AGMO: variants seen among roughly 807,000 people sequenced by gnomAD.
AGMO encodes the protein glyceryl-ether monooxygenase.
A neutral mutation model predicts 60.2 loss-of-function variants in AGMO; 75 were observed. The observed-to-expected ratio is 1.25, with a 90% CI of 1.03 to 1.51. AGMO has a LOEUF of 1.51. Among genes scored for constraint, AGMO ranks in the 40% most tolerant of loss-of-function variants. AGMO has a pLI of 0.00. For synonymous variants in AGMO, 261 were observed against 177.1 expected, an observed-to-expected ratio of 1.47 and a Z score of -3.76; for missense variants, 763 against 525.5, an observed-to-expected ratio of 1.45 and a Z score of -4.42.
intron 10 of AGMO, among the ~76,000 whole-genome samples, chr7:15,380,518 AAAC>A (rs1654640983): frequency 6.6e-6 from 1 of 152,158 alleles, no homozygotes; most frequent in African/African-American, 2.4e-5. Flanking sequence ...ATATTGACAC[AAAC>A]AACTGGAAAG....
intron 12 of AGMO, among the ~76,000 whole-genome samples, chr7:15,324,954 GT>G (rs137880973): frequency 0.01 from 1,525 of 152,094 alleles, 29 homozygotes; most frequent in African/African-American, 0.036. Flanking sequence ...CCCAGCTCTA[GT>G]GAATCTCTGT....
At chr7:15,561,108 T>C (rs1785291664) in intron 1 of AGMO, among the ~76,000 whole-genome samples, 1 of 152,184 alleles carries the variant, frequency 6.6e-6, no homozygotes, top group African/African-American at 2.4e-5. Context: ...TAGTGAGTGT[T>C]GTAGGAATAA....
chr7:15,148,337 CTTTTA>C, the AGMO span, among the ~76,000 whole-genome samples: 1 of 151,514 alleles, frequency 6.6e-6, no homozygotes. Context: ...TTTTTTTCAA[CTTTTA>C]TTTTAGGTTC....
chr7:15,266,228 G>T (rs945990849), intron 12 of AGMO, among the ~76,000 whole-genome samples: 10 of 151,876 alleles, frequency 6.6e-5, no homozygotes, highest in African/African-American at 2.4e-4. Context: ...GTTTAATAGG[G>T]AATGTTTAAT....
At chr7:15,203,511 T>G (rs10257224) in intron 12 of AGMO, among the ~76,000 whole-genome samples, 101,340 of 149,876 alleles carry the variant, frequency 0.68, 35,627 homozygotes, top group African/African-American at 0.9. Flanking sequence ...TTTTTTGTTT[T>G]TTTTTTTGCT....
intron 3 of AGMO, among the ~76,000 whole-genome samples, chr7:15,454,804 T>C (rs1427398972): frequency 1.3e-5 from 2 of 152,078 alleles, no homozygotes; most frequent in Non-Finnish European, 2.9e-5. Flanking sequence ...ATCAAAGTAA[T>C]ACATATTGCA....
intron 10 of AGMO, among the ~76,000 whole-genome samples, chr7:15,378,273 G>A (rs1218914833): frequency 2.6e-5 from 4 of 151,856 alleles, no homozygotes; most frequent in African/African-American, 9.7e-5. Context: ...GTTCCTATAT[G>A]AAGAATAATT....
intron 3 of AGMO, among the ~76,000 whole-genome samples, chr7:15,523,171 A>G (rs1416070892): frequency 6.6e-6 from 1 of 151,990 alleles, no homozygotes; most frequent in African/African-American, 2.4e-5. Context: ...TAGAATGGCA[A>G]TCATTAAAAA....
At chr7:15,151,977 G>A in the AGMO span, among the ~76,000 whole-genome samples, 1 of 152,084 alleles carries the variant, frequency 6.6e-6, no homozygotes, top group South Asian at 2.1e-4. Context: ...TGAAATTTCT[G>A]TAGCAGGGAG....
At chr7:15,455,366 T>C (rs1583570487) in intron 3 of AGMO, among the ~76,000 whole-genome samples, 1 of 152,110 alleles carries the variant, frequency 6.6e-6, no homozygotes, top group East Asian at 1.9e-4. Context: ...CCACAGTCTA[T>C]GAAAGTTATG....
chr7:15,398,287 T>C (rs1784465702), intron 5 of AGMO, among the ~76,000 whole-genome samples: 3 of 152,164 alleles, frequency 2.0e-5, no homozygotes, highest in Admixed American at 6.5e-5. Flanking sequence ...TTTTTTAATG[T>C]CAAGCTCTTT....
At chr7:15,321,040 T>C (rs2128538452) in intron 12 of AGMO, among the ~76,000 whole-genome samples, 1 of 152,264 alleles carries the variant, frequency 6.6e-6, no homozygotes, top group South Asian at 2.1e-4. Flanking sequence ...GAAACAACTT[T>C]TGAGAGGACT....
the AGMO span, among the ~76,000 whole-genome samples, chr7:15,191,971 TCTCACACACA>T: frequency 0.012 from 956 of 77,132 alleles, 9 homozygotes; most frequent in African/African-American, 0.05. Flanking sequence ...TCTGTCTCTC[TCTCACACACA>T]CACACACACA....
chr7:15,354,539 T>TATAGAGAGAGAGAGAG (rs1782446223), intron 12 of AGMO, among the ~76,000 whole-genome samples: 1 of 87,036 alleles, frequency 1.1e-5, no homozygotes, highest in African/African-American at 3.7e-5. Flanking sequence ...TATATATATA[T>TATAGAGAGAGAGAGAG]AGCTCCCCTC....
intron 12 of AGMO, among the ~76,000 whole-genome samples, chr7:15,297,552 A>G (rs1208545786): frequency 6.6e-6 from 1 of 152,180 alleles, no homozygotes; most frequent in African/African-American, 2.4e-5. Flanking sequence ...AATCACAGAA[A>G]AGTTAGTGTT....
chr7:15,493,545 T>C (rs1423691943), intron 3 of AGMO, among the ~76,000 whole-genome samples: 8 of 151,182 alleles, frequency 5.3e-5, no homozygotes, highest in Non-Finnish European at 1.2e-4. Flanking sequence ...GGCTAATTTT[T>C]TTGTGTTTTT....
chr7:15,128,412 TA>T, the AGMO span, among the ~76,000 whole-genome samples: 19 of 152,162 alleles, frequency 1.2e-4, no homozygotes, highest in African/African-American at 4.1e-4. Context: ...AATTTTAATT[TA>T]TTTTTTTATT....
chr7:15,316,889 T>G (rs896463816), intron 12 of AGMO, among the ~76,000 whole-genome samples: 11 of 152,330 alleles, frequency 7.2e-5, no homozygotes, highest in African/African-American at 2.6e-4. Context: ...TAACCCACTC[T>G]GCCCATGGCA....
chr7:15,249,837 A>T (rs1782879733), intron 12 of AGMO, among the ~76,000 whole-genome samples: 1 of 152,244 alleles, frequency 6.6e-6, no homozygotes, highest in South Asian at 2.1e-4. Flanking sequence ...TTGGGAAAGA[A>T]TTATGACTTA....
Sources: gnomAD v4.1 joint callset for allele counts (sites outside exome capture counted in the v4.1 genomes callset) on GRCh38, gnomAD v4.1.1 for gene constraint, MANE v1.5 for transcripts, NCBI Gene and HGNC (gene_info 2026-07-23, HGNC 2026-07-21) for gene names.